The following SDK1 variants were observed in gnomAD, a reference collection of about 807,000 sequenced individuals.
The protein encoded by SDK1 is sidekick cell adhesion molecule 1.
SDK1 carries 157 observed loss-of-function variants against 245.5 expected under a neutral mutation model. The ratio of observed to expected loss-of-function variants is 0.64; its 90% CI spans 0.56 to 0.73. SDK1 has a LOEUF of 0.73. SDK1 is among the 30% of genes least tolerant of loss of function. The probability of loss-of-function intolerance (pLI) is 0.00; values close to 1 mark genes in which losing one functional copy is unlikely to be tolerated. For missense variants in SDK1, 3,583 were observed against 3,002.3 expected, an observed-to-expected ratio of 1.19 and a Z score of -4.52; for synonymous variants, 1,647 against 1,278.5, an observed-to-expected ratio of 1.29 and a Z score of -6.15.
At chr7:3,616,966 T>C (rs1583231693) in intron 1 of SDK1, among the ~76,000 whole-genome samples, 2 of 152,332 alleles carry the variant, frequency 1.3e-5, no homozygotes, top group East Asian at 1.9e-4. Context: ...AGTCAAAATA[T>C]ATAGAATTGG....
chr7:4,212,745 C>T (rs1435488562), intron 38 of SDK1, among the ~76,000 whole-genome samples: 4 of 152,186 alleles, frequency 2.6e-5, no homozygotes, highest in Non-Finnish European at 5.9e-5. Flanking sequence ...GTTACAAATG[C>T]CTTTTCAAGG....
At chr7:3,439,578 C>T (rs954779660) in intron 1 of SDK1, among the ~76,000 whole-genome samples, 1 of 152,192 alleles carries the variant, frequency 6.6e-6, no homozygotes, top group Non-Finnish European at 1.5e-5. Flanking sequence ...CTGTGAGTCA[C>T]TGTTGTGGGA....
At chr7:3,787,146 T>TCACACACACACACACACACA (rs34838736) in intron 4 of SDK1, among the ~76,000 whole-genome samples, 1 of 137,678 alleles carries the variant, frequency 7.3e-6, no homozygotes, top group African/African-American at 2.7e-5. Context: ...AGTATTGAAA[T>TCACACACACACACACACACA]CACACACACA....
intron 1 of SDK1, among the ~76,000 whole-genome samples, chr7:3,544,259 T>G (rs1214399363): frequency 6.6e-6 from 1 of 152,252 alleles, no homozygotes; most frequent in Non-Finnish European, 1.5e-5. Flanking sequence ...AGTTTATAAC[T>G]GCCAGAATAA....
rs149637781 is a variant in SDK1, at chr7:3,727,791, G to A, written c.713+85686G>A. Among the ~76,000 whole-genome samples the A allele has an allele frequency of 9.5e-4, 144 of 152,160 alleles. 1 individual carries two copies. The highest frequency in any genetic ancestry group is 3.3e-3 in the African/African-American group (138 of 41,510). ...CAGACATGAGCCACCGCGCCCGGCC[G>A]AGAAATTTTAAAATGAGTCACCAGG... On this transcript the variant is annotated intron_variant, in intron 4 of 44. Transcript: ENST00000404826.
At chr7:3,422,992 A>G (rs886653137) in intron 1 of SDK1, among the ~76,000 whole-genome samples, 7 of 152,170 alleles carry the variant, frequency 4.6e-5, no homozygotes, top group Admixed American at 4.6e-4. Context: ...TGTAATGAAC[A>G]CTCATTAGCA....
chr7:4,204,597 C>T (rs929782818), intron 35 of SDK1, among the ~76,000 whole-genome samples: 1 of 152,166 alleles, frequency 6.6e-6, no homozygotes, highest in Non-Finnish European at 1.5e-5. Context: ...TCCAGAGAGC[C>T]GGGTGCTGGG....
At chr7:4,117,080 T>C (rs1449851418) in intron 25 of SDK1, among the ~76,000 whole-genome samples, 5 of 152,180 alleles carry the variant, frequency 3.3e-5, no homozygotes, top group Non-Finnish European at 7.3e-5. Context: ...CAGTTCTAAA[T>C]CCAGTAAAAG....
chr7:3,754,911 G>C (rs888069950), intron 4 of SDK1, among the ~76,000 whole-genome samples: 13 of 152,140 alleles, frequency 8.5e-5, no homozygotes, highest in Admixed American at 6.5e-5. Flanking sequence ...TCTAATGTTC[G>C]TTTGTTACGC....
chr7:4,266,792 G>A lies in SDK1; in HGVS notation c.*1408G>A. On this transcript the variant is annotated 3_prime_UTR_variant, in exon 45 of 45. Coordinates refer to ENST00000404826, the MANE Select transcript of SDK1 (RefSeq NM_152744.4). ...ACTGCTGGTGCCCACTGGCGTGTGT[G>A]CCCCGGGTCCCTGTAAGTGCCCCCT... 1.0e-6 allele frequency: 1 copy of A among 985,448 alleles called. No individual in the cohort carries two copies. Among genetic ancestry groups the A allele is most frequent in the East Asian group, 1.1e-4 (1 of 8,790 alleles). 61.0% of individuals were successfully genotyped at this position (985,448 alleles called of 1,614,324 possible). A position where few individuals can be genotyped will look rare whatever the true frequency, so the allele number is the denominator to read the frequency against.
At chr7:3,994,295 C>A (rs1040848787) in intron 14 of SDK1, among the ~76,000 whole-genome samples, 6 of 152,148 alleles carry the variant, frequency 3.9e-5, no homozygotes, top group Non-Finnish European at 7.3e-5. Context: ...CAGACTCCAA[C>A]TCTAAAATAG....
intron 4 of SDK1, among the ~76,000 whole-genome samples, chr7:3,699,777 C>T (rs1784688094): frequency 6.6e-6 from 1 of 151,902 alleles, no homozygotes; most frequent in African/African-American, 2.4e-5. Flanking sequence ...ATGGCAAATT[C>T]GTTGAAGAAT....
intron 1 of SDK1, among the ~76,000 whole-genome samples, chr7:3,534,856 G>A (rs1162320832): frequency 1.6e-4 from 25 of 152,148 alleles, no homozygotes; most frequent in Admixed American, 1.6e-3. Flanking sequence ...CAAAATGGTG[G>A]CCCCATCTTC....
At chr7:4,132,275 C>A in intron 27 of SDK1, 50 bp from the exon 28 acceptor site, 1 of 1,450,742 alleles carries the variant, frequency 6.9e-7, no homozygotes. Context: ...CTGTCACGCA[C>A]CCAAGGAACA....
intron 17 of SDK1, 113 bp downstream of exon 17, chr7:4,017,465 A>G: frequency 1.2e-6 from 1 of 861,894 alleles, no homozygotes; most frequent in Non-Finnish European, 1.7e-6. Flanking sequence ...TCCCCTAGGG[A>G]GCGTTTACAA....
chr7:3,614,493 T>C (rs1250720417), intron 1 of SDK1, among the ~76,000 whole-genome samples: 1 of 152,218 alleles, frequency 6.6e-6, no homozygotes, highest in Admixed American at 6.5e-5. Context: ...GGCAACTCAA[T>C]CATTTTCTTT....
At chr7:4,029,818 G>A (rs74854488) in intron 17 of SDK1, among the ~76,000 whole-genome samples, 8,754 of 152,236 alleles carry the variant, frequency 0.058, 461 homozygotes, top group African/African-American at 0.13. Context: ...GTAATTCATC[G>A]ATTCTGCCCC....
chr7:3,565,832 A>G (rs1583172437), intron 1 of SDK1, among the ~76,000 whole-genome samples: 1 of 152,334 alleles, frequency 6.6e-6, no homozygotes, highest in East Asian at 1.9e-4. Flanking sequence ...GTCTGTACAT[A>G]TTCAGTACAA....
Position 3,366,414 on chromosome 7 carries a change from CCTCA to C in SDK1, c.298+64534_298+64537del, listed in dbSNP as rs149434702. ...CTCCATTATAGCACATAGAGATCTTCCTCACTCCTTTTTACAGTTACATTAAGTA... is the reference window on the plus strand; with the variant it reads ...CTCCATTATAGCACATAGAGATCTTCCTCCTTTTTACAGTTACATTAAGTA... On this transcript the variant is annotated intron_variant, in intron 1 of 44. Coordinates refer to ENST00000404826, the MANE Select transcript of SDK1 (RefSeq NM_152744.4). Among the ~76,000 whole-genome samples the C allele has an allele frequency of 1.8e-3, 277 of 151,950 alleles. 1 individual carries two copies. The highest frequency in any genetic ancestry group is 6.3e-3 in the African/African-American group (260 of 41,458).
Sources: allele counts gnomAD v4.1 joint callset (sites outside exome capture counted in the v4.1 genomes callset), GRCh38; gene constraint gnomAD v4.1.1; transcripts MANE v1.5; gene names NCBI Gene and HGNC (gene_info 2026-07-23, HGNC 2026-07-21).